The following ANKRD36 variants were observed in gnomAD, a reference collection of about 807,000 sequenced individuals.
ANKRD36 encodes ankyrin repeat domain 36, also known as ankyrin repeat domain-containing protein 36A.
Under a neutral mutation model 278.1 loss-of-function variants are expected in ANKRD36, and 179 were observed. The ratio of observed to expected loss-of-function variants is 0.64; its 90% confidence interval spans 0.57 to 0.73. The LOEUF is 0.73. Among genes scored for constraint, ANKRD36 ranks in the 30% least tolerant of loss-of-function variants. The pLI, the probability that ANKRD36 is intolerant of heterozygous loss-of-function variation, is 0.00. For missense variants in ANKRD36, 1,159 were observed against 1,956.7 expected, an observed-to-expected ratio of 0.59 and a Z score of 7.69; for synonymous variants, 320 against 641.1, an observed-to-expected ratio of 0.50 and a Z score of 7.57.
chr2:97,178,371 A>G (rs1197097634), intron 22 of ANKRD36, among the ~76,000 whole-genome samples: 1 of 151,980 alleles, frequency 6.6e-6, no homozygotes, highest in Non-Finnish European at 1.5e-5. Flanking sequence ...ATAAAGACAC[A>G]TGCACACGCA....
At chr2:97,228,427 G>A (rs1449260095) in intron 67 of ANKRD36, among the ~76,000 whole-genome samples, 2 of 152,104 alleles carry the variant, frequency 1.3e-5, no homozygotes, top group East Asian at 1.9e-4. Context: ...TTTGTGTAGA[G>A]GTGTTTGTAG....
intron 11 of ANKRD36, 36 bp from the exon 12 acceptor site, chr2:97,149,259 A>T: frequency 6.7e-7 from 1 of 1,494,656 alleles, no homozygotes; most frequent in South Asian, 1.2e-5. Flanking sequence ...TAAGAAATGA[A>T]TGAGCTCATT....
intron 62 of ANKRD36, among the ~76,000 whole-genome samples, chr2:97,216,182 A>G (rs1326302311): frequency 5.3e-5 from 8 of 152,030 alleles, no homozygotes; most frequent in African/African-American, 1.9e-4. Flanking sequence ...GGCATCAGAG[A>G]TACATGTTTT....
intron 1 of ANKRD36, among the ~76,000 whole-genome samples, chr2:97,117,830 A>T (rs2035898597): frequency 6.6e-6 from 1 of 151,994 alleles, no homozygotes; most frequent in Non-Finnish European, 1.5e-5. Flanking sequence ...AAGGCTAAAT[A>T]ACAGCTAAGT....
At chr2:97,200,941 G>C (rs540260263) in intron 46 of ANKRD36, among the ~76,000 whole-genome samples, 1 of 152,008 alleles carries the variant, frequency 6.6e-6, no homozygotes, top group South Asian at 2.1e-4. Flanking sequence ...GGAGAACTGA[G>C]AAGACCCCTG....
intron 58 of ANKRD36, chr2:97,212,817 A>C (rs1328686503): frequency 1.7e-5 from 3 of 177,518 alleles, no homozygotes; most frequent in Non-Finnish European, 3.5e-5. Flanking sequence ...CAAGAAACTT[A>C]GGCAAATTAT....
chr2:97,124,693 T>G (rs4491760), intron 5 of ANKRD36, 96 bp downstream of exon 5: 8 of 1,397,194 alleles, frequency 5.7e-6, no homozygotes, highest in Non-Finnish European at 7.6e-6. Flanking sequence ...TTTCATAGTT[T>G]GGTTCAAGTA....
Position 97,154,662 on chromosome 2 carries a change from T to G in ANKRD36, c.1194-13T>G. ...GAACGTGCTCATTTTTGTAATATCT[T>G]TTTGCTCTGTAGGTGTCTCTACCTA... On this transcript the variant is annotated splice_polypyrimidine_tract_variant and intron_variant, in intron 14 of 75. Transcript: ENST00000420699. The G allele has an allele frequency of 4.1e-6, 6 of 1,480,954 alleles. 1 individual carries two copies. The highest frequency in any genetic ancestry group is 5.5e-6 in the Non-Finnish European group (6 of 1,100,574). The allele number at this position is 1,480,954 out of a possible 1,614,324, so 91.7% of individuals were successfully genotyped here. A position where few individuals can be genotyped will look rare whatever the true frequency, so the allele number is the denominator to read the frequency against.
chr2:97,260,445 C>T (rs1482455799), intron 75 of ANKRD36, among the ~76,000 whole-genome samples: 1 of 134,704 alleles, frequency 7.4e-6, no homozygotes, highest in Non-Finnish European at 1.5e-5. Flanking sequence ...CACACACACA[C>T]GTTTTCTGGA....
chr2:97,164,533 GT>G lies in ANKRD36; in HGVS notation c.1531+70del, dbSNP rs1167114493. The G allele has an allele frequency of 2.7e-6, 4 of 1,501,916 alleles. No individual in the cohort carries two copies. In the African/African-American group the frequency reaches 4.2e-5, roughly 16 times the overall value. 93.0% of individuals were successfully genotyped at this position (1,501,916 alleles called of 1,614,324 possible). ...GATGAAAATATTGAAAATGCTCATA[GT>G]TTTTTGATTCCCACTTTTTATCCAA... On this transcript the variant is annotated intron_variant, in intron 20 of 75. Transcript: ENST00000420699.
chr2:97,165,120 T>A (rs1299960202), intron 20 of ANKRD36, among the ~76,000 whole-genome samples: 1 of 152,266 alleles, frequency 6.6e-6, no homozygotes, highest in Admixed American at 6.5e-5. Flanking sequence ...TACTTTTAAG[T>A]CACTGCAATG....
intron 69 of ANKRD36, among the ~76,000 whole-genome samples, chr2:97,243,073 C>A (rs2074784075): frequency 7.5e-6 from 1 of 133,320 alleles, no homozygotes; most frequent in African/African-American, 2.5e-5. Flanking sequence ...CAAAGAGAGT[C>A]AAACTCTGTA....
chr2:97,113,419 C>T lies in ANKRD36; in HGVS notation c.-321C>T, dbSNP rs1019518237. On this transcript the variant is annotated 5_prime_UTR_variant, in exon 1 of 76. Coordinates refer to ENST00000420699, the MANE Select transcript of ANKRD36 (RefSeq NM_001354587.1). ...GCGCGCGGGCGACAGTTAAACAGGC[C>T]CTGGGGCAGGGCGCGCCTCGCGCTC... 3.3e-4 allele frequency: 135 copies of T among 411,776 alleles called. No individual in the cohort carries two copies. The highest frequency in any genetic ancestry group is 2.7e-3 in the African/African-American group (129 of 47,516). 25.5% of individuals were successfully genotyped at this position (411,776 alleles called of 1,614,324 possible).
At position 97,228,217 on chromosome 2, in the gene ANKRD36, C is replaced by G. The variant is rs540473839; in HGVS notation, c.3951+3338C>G. On this transcript the variant is annotated intron_variant, in intron 67 of 75. Coordinates refer to ENST00000420699, the MANE Select transcript of ANKRD36 (RefSeq NM_001354587.1). ...AATAGTTTCAGAAGGAAGGGTACCA[C>G]TTCCTCCTTGTACCTCTGGTAGAAT... is the stretch of plus-strand genomic sequence containing the variant. Among the ~76,000 whole-genome samples, 532 of 151,872 alleles carry G rather than the reference C, an allele frequency of 3.5e-3. 1 individual carries two copies. Among genetic ancestry groups the G allele is most frequent in the Non-Finnish European group, 5.7e-3 (385 of 67,786 alleles).
intron 6 of ANKRD36, among the ~76,000 whole-genome samples, chr2:97,141,593 C>T (rs1490078593): frequency 2.9e-5 from 4 of 136,654 alleles, no homozygotes; most frequent in East Asian, 2.0e-4. Context: ...TTCAGATAAA[C>T]CACAGTGACT....
At chr2:97,197,888 A>G (rs1409342326) in intron 42 of ANKRD36, among the ~76,000 whole-genome samples, 1 of 151,884 alleles carries the variant, frequency 6.6e-6, no homozygotes, top group African/African-American at 2.4e-5. Context: ...TATCGGGGTG[A>G]GAGATAATGA....
At chr2:97,167,428 C>A in intron 20 of ANKRD36, 149 bp from the exon 21 acceptor site, 1 of 767,630 alleles carries the variant, frequency 1.3e-6, no homozygotes, top group Non-Finnish European at 2.1e-6. Flanking sequence ...TTTCTTTTGA[C>A]ATCACATTTT....
At chr2:97,148,527 G>A (rs1360267216) in intron 11 of ANKRD36, among the ~76,000 whole-genome samples, 179 of 146,710 alleles carry the variant, frequency 1.2e-3, no homozygotes, top group African/African-American at 4.8e-3. Flanking sequence ...TCTCTCTTGG[G>A]TATCTGAGTG....
rs2050900324 is a variant in ANKRD36, at chr2:97,166,955, A to T, written c.1532-622A>T. Among the ~76,000 whole-genome samples, 6 of 152,346 alleles carry T rather than the reference A, an allele frequency of 3.9e-5. No individual in the cohort carries two copies. The South Asian group carries it at 1.2e-3, about 32-fold the overall frequency. On this transcript the variant is annotated intron_variant, in intron 20 of 75. Transcript: ENST00000420699. ...GTTTGTTAAAATGTAACTGTCGATA[A>T]TCATGGCAAATATTTTGATTAACAT...
Sources: gnomAD v4.1 joint callset for allele counts (sites outside exome capture counted in the v4.1 genomes callset) on GRCh38, gnomAD v4.1.1 for gene constraint, MANE v1.5 for transcripts, NCBI Gene and HGNC (gene_info 2026-07-23, HGNC 2026-07-21) for gene names.